The following ODAD2 variants were observed in gnomAD, a reference collection of about 807,000 sequenced individuals.
ODAD2 encodes outer dynein arm-docking complex subunit 2.
ODAD2 carries 89 observed loss-of-function variants against 106.8 expected under a neutral mutation model. The observed-to-expected ratio is 0.83, with a 90% CI of 0.70 to 0.99. The LOEUF is 0.99. Ranked by LOEUF, ODAD2 falls within the 50% of genes least tolerant of loss-of-function variation. The pLI, the probability that ODAD2 is intolerant of heterozygous loss-of-function variation, is 0.00. For synonymous variants in ODAD2, 404 were observed against 436.2 expected (o/e 0.93, Z 0.92); for missense variants, 1,168 against 1,238.5 (o/e 0.94, Z 0.85).
intron 3 of ODAD2, 128 bp from the exon 4 acceptor site, chr10:27,985,339 C>T (rs996229699): frequency 4.1e-5 from 31 of 758,634 alleles, no homozygotes; most frequent in African/African-American, 2.6e-4. Flanking sequence ...TTTTTCTAAA[C>T]GACCCAATTA....
intron 14 of ODAD2, among the ~76,000 whole-genome samples, chr10:27,938,744 C>G (rs1846175966): frequency 6.6e-6 from 1 of 151,906 alleles, no homozygotes; most frequent in African/African-American, 2.4e-5. Context: ...GGATTACAGG[C>G]ACATGCAACC....
chr10:27,905,238 T>C (rs1472604419), intron 17 of ODAD2: 2 of 154,242 alleles, frequency 1.3e-5, no homozygotes, highest in Non-Finnish European at 2.9e-5. Flanking sequence ...AAGAAATGTA[T>C]GATAAATTTT....
intron 10 of ODAD2, among the ~76,000 whole-genome samples, chr10:27,945,471 G>A (rs1273804278): frequency 6.6e-6 from 1 of 152,164 alleles, no homozygotes; most frequent in African/African-American, 2.4e-5. Flanking sequence ...GGAAAAGAGA[G>A]GCAATTCCAG....
In ODAD2 at chr10:27,872,721, G is replaced by T. The variant is rs138811545; in HGVS notation, c.2611-10099C>A. 2.7e-3 allele frequency among the ~76,000 whole-genome samples: 415 copies of T among 152,260 alleles called. 8 individuals carry two copies. Among genetic ancestry groups the T allele is most frequent in the Admixed American group, 0.02 (313 of 15,300 alleles). The stretch of plus-strand genomic sequence containing the variant: ...GGGATGAAGCCCACTTGATCATAGT[G>T]GATAAGCTTTTTGATGTGCTGCTGG... On this transcript the variant is annotated intron_variant, in intron 17 of 19. Transcript: ENST00000305242.
At chr10:27,956,465 G>A (rs769418256) in intron 10 of ODAD2, among the ~76,000 whole-genome samples, 3 of 152,148 alleles carry the variant, frequency 2.0e-5, no homozygotes, top group Non-Finnish European at 4.4e-5. Flanking sequence ...TTCAGAGTAT[G>A]GGCAGATATC....
At chr10:27,888,462 C>T (rs751755800) in intron 17 of ODAD2, among the ~76,000 whole-genome samples, 11 of 151,896 alleles carry the variant, frequency 7.2e-5, no homozygotes, top group East Asian at 1.9e-4. Flanking sequence ...GCTATTTGTA[C>T]GTCTTCTTTT....
At chr10:27,888,961 T>C (rs1036879610) in intron 17 of ODAD2, among the ~76,000 whole-genome samples, 1 of 152,188 alleles carries the variant, frequency 6.6e-6, no homozygotes, top group African/African-American at 2.4e-5. Flanking sequence ...ATAAAACTTT[T>C]AGAAGAAAAC....
At chr10:27,914,914 A>C (rs895933141) in intron 16 of ODAD2, among the ~76,000 whole-genome samples, 6 of 151,972 alleles carry the variant, frequency 3.9e-5, no homozygotes, top group African/African-American at 7.2e-5. Flanking sequence ...TTTCTCTTTG[A>C]AGAAGAAGTG....
At chr10:27,981,724 G>C (rs1263356047) in intron 6 of ODAD2, 142 bp from the exon 7 acceptor site, 2 of 584,474 alleles carry the variant, frequency 3.4e-6, no homozygotes, top group Non-Finnish European at 5.9e-6. Context: ...AAATGTATAG[G>C]CAAAATCCTT....
At chr10:27,864,561 C>CGGGGAGTGAGGTGAGAGT (rs1840299543) in intron 17 of ODAD2, among the ~76,000 whole-genome samples, 6 of 118,562 alleles carry the variant, frequency 5.1e-5, no homozygotes, top group South Asian at 2.9e-4. Flanking sequence ...GAGGTGAGAG[C>CGGGGAGTGAGGTGAGAGT]GGGGAGTGAG....
intron 16 of ODAD2, among the ~76,000 whole-genome samples, chr10:27,930,735 A>C (rs1590053495): frequency 1.3e-5 from 2 of 152,186 alleles, no homozygotes; most frequent in Admixed American, 1.3e-4. Context: ...ACTTTAAGGA[A>C]GTTACTTGAA....
intron 17 of ODAD2, among the ~76,000 whole-genome samples, chr10:27,891,630 ACTT>A (rs1485193538): frequency 6.6e-6 from 1 of 152,074 alleles, no homozygotes; most frequent in African/African-American, 2.4e-5. Context: ...TTATACTATT[ACTT>A]CTTATGAAAA....
chr10:27,913,586 A>T lies in ODAD2; in HGVS notation c.2496-5809T>A, dbSNP rs189618594. Reference sequence around the variant, plus strand: ...GGGAGAAAATATATGCAAACTATGCATCTGACAAAAGTCTAATATCCACAA... The same window carrying T: ...GGGAGAAAATATATGCAAACTATGCTTCTGACAAAAGTCTAATATCCACAA... On this transcript the variant is annotated intron_variant, in intron 16 of 19. Coordinates refer to ENST00000305242, the MANE Select transcript of ODAD2 (RefSeq NM_018076.5). Among the ~76,000 whole-genome samples the T allele has an allele frequency of 2.0e-4, 30 of 152,302 alleles. No homozygotes were observed. The East Asian group carries it at 5.8e-3, about 29-fold the overall frequency.
chr10:27,867,908 C>T (rs1840563039), intron 17 of ODAD2, among the ~76,000 whole-genome samples: 1 of 151,438 alleles, frequency 6.6e-6, no homozygotes, highest in Admixed American at 6.6e-5. Context: ...GAGATCACTC[C>T]ACTGCACTCC....
At chr10:27,834,667 C>G (rs1464523075) in intron 19 of ODAD2, among the ~76,000 whole-genome samples, 1 of 152,100 alleles carries the variant, frequency 6.6e-6, no homozygotes, top group East Asian at 1.9e-4. Context: ...CAAAGGGAAG[C>G]CATGCTAGTG....
intron 19 of ODAD2, among the ~76,000 whole-genome samples, chr10:27,816,279 T>C (rs1307495599): frequency 5.9e-5 from 9 of 152,240 alleles, no homozygotes; most frequent in Admixed American, 5.9e-4. Flanking sequence ...TAAGATACAA[T>C]GTTTTTGAGA....
chr10:27,984,247 G>A lies in ODAD2; in HGVS notation c.619C>T (p.Leu207=). The A allele has an allele frequency of 6.2e-7, 1 of 1,613,704 alleles. No homozygotes were observed. Among genetic ancestry groups the A allele is most frequent in the African/African-American group, 1.3e-5 (1 of 75,040 alleles). Residue 207 remains leucine, a synonymous_variant, in exon 5 of 20, where the codon CTG becomes TTG. Transcript: ENST00000305242. ...CCTTTTCCTGAGAAACGTTTGAGCA[G>A]TTCTATATCCTTCTTCACCGTCATG... ...SPMTVKKDIE[L]LKRFSGKGNQ...
At chr10:27,944,485 T>C in intron 11 of ODAD2, 54 bp from the exon 12 acceptor site, 1 of 1,508,838 alleles carries the variant, frequency 6.6e-7, no homozygotes, top group East Asian at 2.3e-5. Context: ...GCTATGTTTT[T>C]AAAAATTCCG....
At chr10:27,837,886 T>C (rs188873926) in intron 19 of ODAD2, among the ~76,000 whole-genome samples, 1 of 152,314 alleles carries the variant, frequency 6.6e-6, no homozygotes, top group Admixed American at 6.5e-5. Context: ...TAAGGTGTAA[T>C]AAATTTGATT....
Sources: allele counts gnomAD v4.1 joint callset (sites outside exome capture counted in the v4.1 genomes callset), GRCh38; gene constraint gnomAD v4.1.1; transcripts MANE v1.5; gene names NCBI Gene and HGNC (gene_info 2026-07-23, HGNC 2026-07-21).